Variants in LRMDA observed in about 807,000 individuals in gnomAD.
LRMDA encodes the protein leucine rich melanocyte differentiation associated, also known as leucine-rich melanocyte differentiation-associated protein.
In LRMDA, 18 loss-of-function variants were observed where a neutral mutation model predicts 29.8. That is an observed-to-expected ratio of 0.60 (90% confidence interval 0.42 to 0.90). The LOEUF is 0.90. Ranked by LOEUF, LRMDA falls within the 40% of genes least tolerant of loss-of-function variation. The probability of loss-of-function intolerance (pLI) is 0.00; values close to 1 mark genes in which losing one functional copy is unlikely to be tolerated. For synonymous variants in LRMDA, 125 were observed against 109.4 expected, an observed-to-expected ratio of 1.14 and a Z score of -0.89; for missense variants, 273 against 273.9, an observed-to-expected ratio of 1.00 and a Z score of 0.02.
chr10:75,638,770 C>T (rs1244454589), intron 2 of LRMDA, among the ~76,000 whole-genome samples: 3 of 152,170 alleles, frequency 2.0e-5, no homozygotes, highest in African/African-American at 7.2e-5. Context: ...TGGAATAGTT[C>T]CTTGCTTGTG....
intron 5 of LRMDA, among the ~76,000 whole-genome samples, chr10:76,316,920 T>C (rs1840707092): frequency 6.6e-6 from 1 of 152,252 alleles, no homozygotes; most frequent in Non-Finnish European, 1.5e-5. Flanking sequence ...TCTCATTTGA[T>C]AATCTTGTCT....
intron 6 of LRMDA, among the ~76,000 whole-genome samples, chr10:76,468,357 G>C (rs994125934): frequency 2.0e-5 from 3 of 152,176 alleles, no homozygotes; most frequent in Non-Finnish European, 4.4e-5. Context: ...GACTGTTCTG[G>C]AACAAATGTC....
At chr10:75,653,271 A>G (rs1009111431) in intron 2 of LRMDA, among the ~76,000 whole-genome samples, 3 of 152,234 alleles carry the variant, frequency 2.0e-5, no homozygotes, top group African/African-American at 7.2e-5. Context: ...AGGATCGTGA[A>G]GAGAAAAACC....
chr10:75,648,840 G>A (rs1050057313), intron 2 of LRMDA, among the ~76,000 whole-genome samples: 4 of 152,154 alleles, frequency 2.6e-5, no homozygotes, highest in Non-Finnish European at 5.9e-5. Context: ...CATTTGGGTG[G>A]TGGGCATATT....
At chr10:75,891,020 C>G (rs1412029835) in intron 2 of LRMDA, among the ~76,000 whole-genome samples, 1 of 151,918 alleles carries the variant, frequency 6.6e-6, no homozygotes, top group Admixed American at 6.6e-5. Context: ...AGGAGAATTG[C>G]CTTGAACTGG....
intron 2 of LRMDA, among the ~76,000 whole-genome samples, chr10:75,966,857 T>C (rs1456507223): frequency 4.6e-5 from 7 of 152,254 alleles, no homozygotes; most frequent in African/African-American, 1.2e-4. Context: ...TGCGAGGCTA[T>C]TATGAGATCA....
At chr10:75,777,433 A>G (rs1305810637) in intron 2 of LRMDA, among the ~76,000 whole-genome samples, 1 of 152,222 alleles carries the variant, frequency 6.6e-6, no homozygotes, top group Non-Finnish European at 1.5e-5. Context: ...TATTGCTAAC[A>G]TGGGTTGCCA....
chr10:76,197,439 G>A (rs1464362930), intron 5 of LRMDA, among the ~76,000 whole-genome samples: 1 of 152,210 alleles, frequency 6.6e-6, no homozygotes, highest in African/African-American at 2.4e-5. Context: ...ATCTAAACCA[G>A]TGGTTCTCAA....
At chr10:75,754,887 G>A (rs946903373) in intron 2 of LRMDA, among the ~76,000 whole-genome samples, 1 of 152,022 alleles carries the variant, frequency 6.6e-6, no homozygotes, top group Admixed American at 6.6e-5. Context: ...ATAGATTGTT[G>A]CTGGATAACT....
rs1204151414 is a variant in LRMDA at position 76,557,609 on chromosome 10, A to C, written c.*321A>C. On this transcript the variant is annotated 3_prime_UTR_variant, in exon 7 of 7. Coordinates refer to ENST00000611255, the MANE Select transcript of LRMDA (RefSeq NM_001305581.2). ...AGATTGCCTGGTCCTGCCACTGCTC[A>C]CAGGGGAGCAGAGGTCACACCTGGG... 2.8e-6 allele frequency: 1 copy of C among 362,088 alleles called. No homozygotes were observed. The highest frequency in any genetic ancestry group is 5.1e-6 in the Non-Finnish European group (1 of 196,248). The allele number at this position is 362,088 out of a possible 1,614,324, so 22.4% of individuals were successfully genotyped here.
intron 5 of LRMDA, among the ~76,000 whole-genome samples, chr10:76,283,473 T>A (rs1202598385): frequency 6.6e-6 from 1 of 152,114 alleles, no homozygotes; most frequent in East Asian, 1.9e-4. Context: ...AAGAGGAAGT[T>A]CTGGAAATTT....
chr10:76,162,528 G>A (rs574461913), intron 5 of LRMDA, among the ~76,000 whole-genome samples: 1 of 152,272 alleles, frequency 6.6e-6, no homozygotes, highest in South Asian at 2.1e-4. Context: ...GAGGCCTCAG[G>A]AAGCTTTCAA....
At chr10:75,957,894 C>T (rs767471799) in intron 2 of LRMDA, among the ~76,000 whole-genome samples, 42 of 152,114 alleles carry the variant, frequency 2.8e-4, no homozygotes, top group African/African-American at 6.5e-4. Flanking sequence ...TAGCTGTGCT[C>T]GGGTTTGACC....
intron 5 of LRMDA, among the ~76,000 whole-genome samples, chr10:76,260,605 T>G (rs1038663329): frequency 5.9e-5 from 9 of 152,148 alleles, no homozygotes; most frequent in African/African-American, 1.9e-4. Context: ...TCTCTTGCTG[T>G]TTTTAGGATT....
intron 5 of LRMDA, among the ~76,000 whole-genome samples, chr10:76,209,999 C>T (rs1418398282): frequency 1.3e-5 from 2 of 152,094 alleles, no homozygotes; most frequent in Non-Finnish European, 2.9e-5. Flanking sequence ...AGTGTAAAAG[C>T]GCATAGCTAC....
At chr10:76,070,932 G>A (rs544797664) in intron 5 of LRMDA, among the ~76,000 whole-genome samples, 150 of 152,218 alleles carry the variant, frequency 9.9e-4, no homozygotes, top group Non-Finnish European at 1.8e-3. Context: ...CGTGGGGGAC[G>A]GGAGGCTCCT....
chr10:76,116,359 G>T (rs1849668148), intron 5 of LRMDA, among the ~76,000 whole-genome samples: 1 of 152,126 alleles, frequency 6.6e-6, no homozygotes, highest in African/African-American at 2.4e-5. Flanking sequence ...TAGATTTAAA[G>T]TGAACTGTAG....
At chr10:75,661,428 G>C (rs944319869) in intron 2 of LRMDA, among the ~76,000 whole-genome samples, 3 of 152,132 alleles carry the variant, frequency 2.0e-5, no homozygotes, top group Non-Finnish European at 2.9e-5. Flanking sequence ...TTCTGATTCA[G>C]GAGGTCTGGC....
At chr10:76,160,124 C>T (rs1343404030) in intron 5 of LRMDA, among the ~76,000 whole-genome samples, 1 of 151,900 alleles carries the variant, frequency 6.6e-6, no homozygotes, top group East Asian at 1.9e-4. Flanking sequence ...ATGTATCCCC[C>T]CATTTCCCAG....
Sources: gnomAD v4.1 joint callset for allele counts (sites outside exome capture counted in the v4.1 genomes callset) on GRCh38, gnomAD v4.1.1 for gene constraint, MANE v1.5 for transcripts, NCBI Gene and HGNC (gene_info 2026-07-23, HGNC 2026-07-21) for gene names.